The following ADGRL4 variants were observed in gnomAD, a reference collection of about 807,000 sequenced individuals.
The protein encoded by ADGRL4 is EGF, latrophilin and seven transmembrane domain containing 1.
ADGRL4 carries 90 observed loss-of-function variants against 74.8 expected under a neutral mutation model. The ratio of observed to expected loss-of-function variants is 1.20; its 90% CI spans 1.02 to 1.43. The LOEUF (loss-of-function observed/expected upper bound fraction) is 1.43, where lower values mean the gene tolerates loss of function less well. Among genes scored for constraint, ADGRL4 ranks in the 40% most tolerant of loss-of-function variants. The pLI is 0.00. For synonymous variants in ADGRL4, 311 were observed against 279.2 expected (o/e 1.11, Z -1.14); for missense variants, 881 against 814.3 (o/e 1.08, Z -1.00).
At chr1:78,970,743 C>G (rs576226498) in intron 2 of ADGRL4, among the ~76,000 whole-genome samples, 4 of 152,270 alleles carry the variant, frequency 2.6e-5, no homozygotes, top group Non-Finnish European at 5.9e-5. Context: ...CTTTGTTTTT[C>G]CCTTTCTCCT....
At chr1:78,927,259 A>G (rs950413226) in intron 7 of ADGRL4, among the ~76,000 whole-genome samples, 168 bp from the exon 8 acceptor site, 7 of 152,114 alleles carry the variant, frequency 4.6e-5, no homozygotes, top group African/African-American at 1.7e-4. Context: ...GCATTGTTAA[A>G]CCATAGGAAG....
chr1:78,901,095 AG>A (rs1044785403), intron 12 of ADGRL4, among the ~76,000 whole-genome samples: 2 of 152,176 alleles, frequency 1.3e-5, no homozygotes, highest in Non-Finnish European at 2.9e-5. Context: ...ATAAAAATAT[AG>A]GATACCAGTA....
chr1:78,984,644 T>C (rs183346657), intron 2 of ADGRL4, among the ~76,000 whole-genome samples: 7 of 151,748 alleles, frequency 4.6e-5, no homozygotes, highest in Admixed American at 4.0e-4. Flanking sequence ...CATTTTCAAA[T>C]ACAGAAGAAA....
At chr1:78,992,741 C>A (rs889191454) in intron 2 of ADGRL4, among the ~76,000 whole-genome samples, 18 of 151,976 alleles carry the variant, frequency 1.2e-4, no homozygotes, top group Non-Finnish European at 1.8e-4. Context: ...AATTTTTATG[C>A]CAGACAAATT....
chr1:78,993,671 C>T (rs1457780818), intron 2 of ADGRL4, among the ~76,000 whole-genome samples: 1 of 151,866 alleles, frequency 6.6e-6, no homozygotes, highest in East Asian at 1.9e-4. Context: ...TGGGCTCATG[C>T]CATTCTTCTG....
chr1:78,931,475 G>A (rs7528171), intron 7 of ADGRL4, among the ~76,000 whole-genome samples: 91,323 of 150,902 alleles, frequency 0.61, 28,414 homozygotes, highest in East Asian at 0.7. Flanking sequence ...CACTGCAAAA[G>A]CAACCAAAAT....
At chr1:78,922,067 A>G (rs1410914358) in intron 8 of ADGRL4, among the ~76,000 whole-genome samples, 1 of 152,166 alleles carries the variant, frequency 6.6e-6, no homozygotes, top group African/African-American at 2.4e-5. Flanking sequence ...TCTTTATTCA[A>G]TACAAGTTTG....
At chr1:78,932,093 C>T (rs1289354892) in intron 7 of ADGRL4, among the ~76,000 whole-genome samples, 2 of 151,502 alleles carry the variant, frequency 1.3e-5, no homozygotes, top group Non-Finnish European at 2.9e-5. Flanking sequence ...TAAACATTTA[C>T]AGAACTCTTA....
chr1:78,954,374 A>G (rs573197886), intron 2 of ADGRL4, among the ~76,000 whole-genome samples: 1 of 152,088 alleles, frequency 6.6e-6, no homozygotes, highest in Non-Finnish European at 1.5e-5. Flanking sequence ...AAAAACAGGG[A>G]AAAAAGATAA....
intron 2 of ADGRL4, among the ~76,000 whole-genome samples, chr1:78,971,496 T>C (rs1441099086): frequency 1.3e-5 from 2 of 152,024 alleles, no homozygotes; most frequent in Non-Finnish European, 2.9e-5. Context: ...TCTCCCCTGT[T>C]CTGGGGTATG....
intron 2 of ADGRL4, among the ~76,000 whole-genome samples, chr1:78,959,868 T>C (rs989911965): frequency 6.6e-6 from 1 of 152,194 alleles, no homozygotes; most frequent in African/African-American, 2.4e-5. Context: ...TCTTGATAGA[T>C]ATTAAGTCTA....
intron 2 of ADGRL4, among the ~76,000 whole-genome samples, chr1:78,952,905 C>G (rs1649758575): frequency 6.6e-6 from 1 of 151,770 alleles, no homozygotes; most frequent in Non-Finnish European, 1.5e-5. Context: ...TATGTATAAG[C>G]CAGGAAAAAA....
intron 1 of ADGRL4, among the ~76,000 whole-genome samples, chr1:79,005,697 G>A (rs1055924828): frequency 6.6e-6 from 1 of 152,138 alleles, no homozygotes; most frequent in Non-Finnish European, 1.5e-5. Flanking sequence ...TCTTATCTAG[G>A]AGAACAGATG....
At chr1:78,981,213 A>C (rs1168872464) in intron 2 of ADGRL4, among the ~76,000 whole-genome samples, 1 of 151,922 alleles carries the variant, frequency 6.6e-6, no homozygotes, top group Non-Finnish European at 1.5e-5. Flanking sequence ...CAGAAGAAAA[A>C]TATCAACTGA....
rs1650644869 is a variant in ADGRL4 at position 78,993,232 on chromosome 1, C to T, written c.172+11838G>A. On this transcript the variant is annotated intron_variant, in intron 2 of 14. Transcript: ENST00000370742. Reference sequence around the variant, plus strand: ...AGAGAGAAGGAATACTTTATTTCTTCCCAGTTGGTTTATGTGATCATGCAT... The same window carrying T: ...AGAGAGAAGGAATACTTTATTTCTTTCCAGTTGGTTTATGTGATCATGCAT... Among the ~76,000 whole-genome samples, 3 of 151,894 alleles carry T rather than the reference C, an allele frequency of 2.0e-5. 1 individual carries two copies. The highest frequency in any genetic ancestry group is 2.4e-5 in the African/African-American group (1 of 41,368).
At chr1:78,932,375 A>G (rs1368941851) in intron 7 of ADGRL4, among the ~76,000 whole-genome samples, 2 of 151,498 alleles carry the variant, frequency 1.3e-5, no homozygotes, top group Non-Finnish European at 2.9e-5. Context: ...TTTGAAACCA[A>G]TGAGAACAAA....
At chr1:78,914,023 A>C (rs1016270227) in intron 12 of ADGRL4, among the ~76,000 whole-genome samples, 3 of 151,868 alleles carry the variant, frequency 2.0e-5, no homozygotes, top group African/African-American at 7.2e-5. Flanking sequence ...GTGATTCTTC[A>C]GTTGATGTCT....
At chr1:78,975,443 C>T (rs1557517910) in intron 2 of ADGRL4, among the ~76,000 whole-genome samples, 1 of 151,982 alleles carries the variant, frequency 6.6e-6, no homozygotes, top group Non-Finnish European at 1.5e-5. Flanking sequence ...GTCCCTTAAA[C>T]AATTATCTGT....
chr1:78,952,973 G>A (rs1195991395), intron 2 of ADGRL4, among the ~76,000 whole-genome samples: 1 of 152,080 alleles, frequency 6.6e-6, no homozygotes, highest in Non-Finnish European at 1.5e-5. Flanking sequence ...CTTATTTTCT[G>A]AGGGAAATGC....
Sources: gnomAD v4.1 joint callset for allele counts (sites outside exome capture counted in the v4.1 genomes callset) on GRCh38, gnomAD v4.1.1 for gene constraint, MANE v1.5 for transcripts, NCBI Gene and HGNC (gene_info 2026-07-23, HGNC 2026-07-21) for gene names.